The following WFS1 variants were observed in gnomAD, a reference collection of about 807,000 sequenced individuals.
WFS1 encodes the protein wolframin.
A neutral mutation model predicts 68.5 loss-of-function variants in WFS1; 90 were observed. The observed-to-expected ratio is 1.31, with a 90% CI of 1.11 to 1.56. The LOEUF (loss-of-function observed/expected upper bound fraction) is 1.56, where lower values mean the gene tolerates loss of function less well. Among genes scored for constraint, WFS1 ranks in the 40% most tolerant of loss-of-function variants. WFS1 has a pLI of 0.00. For synonymous variants in WFS1, 860 were observed against 540.7 expected, an observed-to-expected ratio of 1.59 and a Z score of -8.19; for missense variants, 1,767 against 1,232.6, an observed-to-expected ratio of 1.43 and a Z score of -6.49.
At chr4:6,299,235 G>C (rs1370058426) in intron 7 of WFS1, among the ~76,000 whole-genome samples, 1 of 152,242 alleles carries the variant, frequency 6.6e-6, no homozygotes, top group African/African-American at 2.4e-5. Context: ...TGGCAGCGCT[G>C]CTTCACCCCA....
intron 6 of WFS1, among the ~76,000 whole-genome samples, chr4:6,294,478 TC>T (rs200292473): frequency 1.0e-5 from 1 of 99,748 alleles, no homozygotes; most frequent in East Asian, 1.6e-3. Flanking sequence ...GATGGAGGTG[TC>T]AGCAGGCACA....
chr4:6,287,121 C>T lies in WFS1; in HGVS notation c.261C>T (p.Pro87=). Residue 87 remains proline, a synonymous_variant, in exon 3 of 8, where the codon CCC becomes CCT. Coordinates refer to ENST00000226760, the MANE Select transcript of WFS1 (RefSeq NM_006005.3). The surrounding 1 kb of genome is among the most constrained non-coding windows in gnomAD (Gnocchi z 6.4). ...CTACAAAGGGAGACATGGAAATCCC[C>T]TTTGAAGAAGTCCTGGAGAGGGCCA... ...TGPTKGDMEI[P]FEEVLERAKA... 1.9e-6 allele frequency: 3 copies of T among 1,560,216 alleles called. No individual in the cohort carries two copies. The highest frequency in any genetic ancestry group is 2.3e-5 in the East Asian group (1 of 42,860).
rs547933924 is a variant in WFS1, at chr4:6,298,345, G to T, written c.862-2312G>T. On this transcript the variant is annotated intron_variant, in intron 7 of 7. Coordinates refer to ENST00000226760, the MANE Select transcript of WFS1 (RefSeq NM_006005.3). ...TAAATGCCCTCTGGCTCTCTGGCAA[G>T]CGTTGGAAATGCCCTCAAACCCTGT... Among the ~76,000 whole-genome samples the T allele has an allele frequency of 2.1e-4, 32 of 152,350 alleles. No individual in the cohort carries two copies. In the South Asian group the frequency reaches 6.2e-3, roughly 30 times the overall value.
chr4:6,281,097 G>A lies in WFS1; in HGVS notation c.232+3410G>A, dbSNP rs571853725. ...CTGCCAGGCCTCCCAGCCATTGGGG[G>A]TAGGGGGATTGCTTTGGCAGCCACA... On this transcript the variant is annotated intron_variant, in intron 2 of 7. Transcript: ENST00000226760. Among the ~76,000 whole-genome samples, 18 of 152,336 alleles carry A rather than the reference G, an allele frequency of 1.2e-4. 1 individual carries two copies. The highest frequency in any genetic ancestry group is 4.3e-4 in the African/African-American group (18 of 41,580).
Position 6,289,045 on chromosome 4 carries a change from C to T in WFS1, c.374C>T (p.Thr125Ile), listed in dbSNP as rs1160505600. Residue 125 changes from threonine to isoleucine, a missense_variant, in exon 4 of 8, where the codon ACC becomes ATC. Transcript: ENST00000226760. Reference sequence around the variant, plus strand: ...ACGGATGAAGAACTCAACAGCTGCACCGCTGTGGACTGGCTGGTCCTCGCC... The same window carrying T: ...ACGGATGAAGAACTCAACAGCTGCATCGCTGTGGACTGGCTGGTCCTCGCC... ...GDTDEELNSCTAVDWLVLAAK... is the reference protein window; with the variant it reads ...GDTDEELNSCIAVDWLVLAAK... 1 of 1,605,328 alleles carries T rather than the reference C, an allele frequency of 6.2e-7. No homozygotes were observed. Among genetic ancestry groups the T allele is most frequent in the Non-Finnish European group, 8.5e-7 (1 of 1,176,340 alleles).
chr4:6,273,796 C>T (rs1489195665), intron 1 of WFS1, among the ~76,000 whole-genome samples: 2 of 152,230 alleles, frequency 1.3e-5, no homozygotes, highest in East Asian at 3.8e-4. Context: ...TTTGAAATAA[C>T]AAGCCCTTTG....
chr4:6,285,326 A>G (rs1730284099), intron 2 of WFS1, among the ~76,000 whole-genome samples: 1 of 137,550 alleles, frequency 7.3e-6, no homozygotes, highest in African/African-American at 2.8e-5. Flanking sequence ...ACATCCAGGG[A>G]GGTGGCCTGT....
In WFS1 at chr4:6,283,361, A is replaced by T. The variant is rs1399453939; in HGVS notation, c.233-3732A>T. Among the ~76,000 whole-genome samples the T allele has an allele frequency of 1.3e-5, 2 of 152,218 alleles. No homozygotes were observed. The highest frequency in any genetic ancestry group is 2.9e-5 in the Non-Finnish European group (2 of 68,038). On this transcript the variant is annotated intron_variant, in intron 2 of 7. Coordinates refer to ENST00000226760, the MANE Select transcript of WFS1 (RefSeq NM_006005.3). This position sits in a 1 kb window ranked among gnomAD's most constrained non-coding sequence, Gnocchi z 5.0. ...TTCAGGACCCTTTTAGTTGTAAGTGACAAAATCTCAATATAAATTGACACA... is the reference window on the plus strand; with the variant it reads ...TTCAGGACCCTTTTAGTTGTAAGTGTCAAAATCTCAATATAAATTGACACA...
intron 1 of WFS1, among the ~76,000 whole-genome samples, chr4:6,274,353 G>GT (rs976060605): frequency 2.6e-5 from 4 of 151,012 alleles, no homozygotes; most frequent in East Asian, 2.0e-4. Flanking sequence ...GGCCGGCTTA[G>GT]TTTTTTTTTA....
Position 6,301,538 on chromosome 4 carries a change from C to T in WFS1, c.1743C>T (p.Gly581=), listed in dbSNP as rs377539343. 7.1e-5 allele frequency: 115 copies of T among 1,613,992 alleles called. No individual in the cohort carries two copies. Among genetic ancestry groups the T allele is most frequent in the Admixed American group, 4.5e-4 (27 of 60,032 alleles). ...TGGTGGCCGGCCTGGCCCTGGTGGGCGTGCTGCAGTTCGCCCGGTGGTTCA... is the reference window on the plus strand; with the variant it reads ...TGGTGGCCGGCCTGGCCCTGGTGGGTGTGCTGCAGTTCGCCCGGTGGTTCA... ...PILVAGLALV[G]VLQFARWFTS... is the part of the protein sequence containing the mutation. Residue 581 remains glycine, a synonymous_variant, in exon 8 of 8, where the codon GGC becomes GGT. Coordinates refer to ENST00000226760, the MANE Select transcript of WFS1 (RefSeq NM_006005.3).
At chr4:6,298,931 C>T (rs937052023) in intron 7 of WFS1, among the ~76,000 whole-genome samples, 13 of 152,234 alleles carry the variant, frequency 8.5e-5, no homozygotes, top group African/African-American at 3.1e-4. Context: ...GGGCTCCAGC[C>T]TGGATGTGTC....
intron 1 of WFS1, among the ~76,000 whole-genome samples, chr4:6,275,245 G>C (rs893674879): frequency 6.6e-6 from 1 of 152,244 alleles, no homozygotes; most frequent in Non-Finnish European, 1.5e-5. Flanking sequence ...CTTCGGGGCA[G>C]TGGGAACCAT....
At position 6,301,035 on chromosome 4, in the gene WFS1, T is replaced by C. The variant is rs1228172050; in HGVS notation, c.1240T>C (p.Phe414Leu). ...TGCCCATTTCCTGCTCTCTGTCTTC[T>C]TCGTCATCTTCTCCTTCCCCATCGC... Reference protein sequence around the residue: ...PYAHFLLSVFFVIFSFPIASK... With the variant: ...PYAHFLLSVFLVIFSFPIASK... The change falls in exon 8 of 8, where the codon TTC becomes CTC. Residue 414 changes from phenylalanine (F) to leucine (L), a missense_variant. Coordinates refer to ENST00000226760, the MANE Select transcript of WFS1 (RefSeq NM_006005.3). 1 of 1,614,144 alleles carries C rather than the reference T, an allele frequency of 6.2e-7. No individual in the cohort carries two copies. Among genetic ancestry groups the C allele is most frequent in the Non-Finnish European group, 8.5e-7 (1 of 1,180,022 alleles).
chr4:6,291,111 C>T, intron 4 of WFS1, 86 bp from the exon 5 acceptor site: 1 of 1,498,384 alleles, frequency 6.7e-7, no homozygotes, highest in Non-Finnish European at 9.2e-7. Context: ...CGCTCGAAAG[C>T]CTTCCAGGCA....
In WFS1 at chr4:6,302,359, C is replaced by T. The variant is rs557766008; in HGVS notation, c.2564C>T (p.Ser855Leu). 18 of 1,613,024 alleles carry T rather than the reference C, an allele frequency of 1.1e-5. No individual in the cohort carries two copies. The highest frequency in any genetic ancestry group is 1.6e-4 in the Middle Eastern group (1 of 6,062). The change falls in exon 8 of 8, where the codon TCA (serine) becomes TTA (leucine). Residue 855 changes from serine (S) to leucine (L), a missense_variant. Coordinates refer to ENST00000226760, the MANE Select transcript of WFS1 (RefSeq NM_006005.3). ...ISCLNCMAQL[S>L]PTRRHVKIEH... is the part of the protein sequence containing the mutation. ...TGCCTCAACTGCATGGCCCAGCTCT[C>T]ACCCACCAGGCGGCACGTGAAGATC...
In WFS1 at chr4:6,301,116, G is replaced by A. The variant is rs150894674; in HGVS notation, c.1321G>A (p.Val441Met). 1.6e-4 allele frequency: 260 copies of A among 1,613,556 alleles called. No individual in the cohort carries two copies. In the African/African-American group the frequency reaches 2.8e-3, roughly 17 times the overall value. The change falls in exon 8 of 8, where the codon GTG (valine) becomes ATG (methionine). Residue 441 changes from valine (V) to methionine (M), a missense_variant. Physicochemically the swap from Val to Met is conservative, Grantham distance 21 (BLOSUM62 1). Transcript: ENST00000226760. ...GGCTGTCATCACCGGCTTCTTTACC[G>A]TGACCAGCTACCTGAGCCTGAGCAC... is the stretch of plus-strand genomic sequence containing the variant. ...ELAVITGFFT[V>M]TSYLSLSTHA... is the part of the protein sequence containing the mutation.
intron 7 of WFS1, among the ~76,000 whole-genome samples, chr4:6,296,337 G>A (rs940116847): frequency 6.6e-6 from 1 of 152,214 alleles, no homozygotes; most frequent in African/African-American, 2.4e-5. Context: ...AGCCCCCCGA[G>A]TGCCCAGAGC....
chr4:6,294,073 TAGG>T (rs1157895321), intron 6 of WFS1, among the ~76,000 whole-genome samples: 12 of 152,106 alleles, frequency 7.9e-5, no homozygotes, highest in Non-Finnish European at 1.8e-4. Flanking sequence ...GCTGATCCAT[TAGG>T]AGGTCTGTCA....
chr4:6,291,665 C>G (rs950028088), intron 5 of WFS1, among the ~76,000 whole-genome samples: 1 of 152,216 alleles, frequency 6.6e-6, no homozygotes, highest in Non-Finnish European at 1.5e-5. Flanking sequence ...TCTGTGACCA[C>G]GTCTACCAAT....
Sources: allele counts gnomAD v4.1 joint callset (sites outside exome capture counted in the v4.1 genomes callset), GRCh38; gene constraint gnomAD v4.1.1; non-coding constraint Gnocchi (gnomAD v3.1); transcripts MANE v1.5; gene names NCBI Gene and HGNC (gene_info 2026-07-23, HGNC 2026-07-21).